Variants in TBC1D5 observed in about 807,000 individuals in gnomAD.
TBC1D5 encodes the protein TBC1 domain family, member 5.
A neutral mutation model predicts 100.3 loss-of-function variants in TBC1D5; 75 were observed. The ratio of observed to expected loss-of-function variants is 0.75; its 90% confidence interval spans 0.62 to 0.91. TBC1D5 has a LOEUF of 0.91. Ranked by LOEUF, TBC1D5 falls within the 40% of genes least tolerant of loss-of-function variation. The pLI is 0.00. For missense variants in TBC1D5, 910 were observed against 942.4 expected, an observed-to-expected ratio of 0.97 and a Z score of 0.45; for synonymous variants, 323 against 325.6, an observed-to-expected ratio of 0.99 and a Z score of 0.09.
At chr3:17,598,222 G>T (rs773001140) in intron 2 of TBC1D5, among the ~76,000 whole-genome samples, 1 of 152,108 alleles carries the variant, frequency 6.6e-6, no homozygotes, top group Non-Finnish European at 1.5e-5. Flanking sequence ...GCTTACATTA[G>T]TCTTTGTTCA....
chr3:17,578,213 T>C (rs796959889), intron 2 of TBC1D5, among the ~76,000 whole-genome samples: 2 of 152,070 alleles, frequency 1.3e-5, no homozygotes, highest in South Asian at 4.1e-4. Flanking sequence ...TCCCGACTTA[T>C]CTACAAGACA....
chr3:17,671,308 A>T (rs1170994875), intron 1 of TBC1D5, among the ~76,000 whole-genome samples: 1 of 152,216 alleles, frequency 6.6e-6, no homozygotes, highest in Non-Finnish European at 1.5e-5. Flanking sequence ...ACAAGAAAGC[A>T]GAGCCTAGCA....
intron 3 of TBC1D5, among the ~76,000 whole-genome samples, chr3:17,439,513 G>T (rs2094600447): frequency 6.6e-6 from 1 of 151,844 alleles, no homozygotes; most frequent in Non-Finnish European, 1.5e-5. Context: ...AAACGTTACT[G>T]ATTAGTATTT....
intron 17 of TBC1D5, among the ~76,000 whole-genome samples, chr3:17,219,610 T>G (rs183608339): frequency 2.0e-5 from 3 of 152,188 alleles, no homozygotes; most frequent in African/African-American, 7.2e-5. Flanking sequence ...GCTGTTTTAG[T>G]AACTTTATTA....
chr3:17,643,308 G>A (rs2153700570), intron 1 of TBC1D5, among the ~76,000 whole-genome samples: 1 of 152,182 alleles, frequency 6.6e-6, no homozygotes, highest in East Asian at 1.9e-4. Context: ...TATATCAGAT[G>A]TTAATATATC....
At chr3:17,586,145 A>G (rs2096731420) in intron 2 of TBC1D5, among the ~76,000 whole-genome samples, 1 of 152,180 alleles carries the variant, frequency 6.6e-6, no homozygotes, top group Non-Finnish European at 1.5e-5. Context: ...TAAAAGCAGG[A>G]GGTAGGACAG....
At chr3:17,542,904 T>C (rs1009246638) in intron 2 of TBC1D5, among the ~76,000 whole-genome samples, 2 of 152,232 alleles carry the variant, frequency 1.3e-5, no homozygotes, top group East Asian at 1.9e-4. Flanking sequence ...CATACACATA[T>C]ACATTTAGAA....
chr3:17,159,168 T>C lies in TBC1D5; in HGVS notation c.*1795A>G, dbSNP rs902201156. On this transcript the variant is annotated 3_prime_UTR_variant, in exon 22 of 22. Coordinates refer to ENST00000253692, the Ensembl canonical transcript of TBC1D5. ...AGTGGTTGAAGGTCAGACAACCTGCTGTCTGGCAAAACCAGTTATTATTCA... is the reference window on the plus strand; with the variant it reads ...AGTGGTTGAAGGTCAGACAACCTGCCGTCTGGCAAAACCAGTTATTATTCA... 1.1e-4 allele frequency: 9 copies of C among 81,346 alleles called. 1 individual carries two copies. Among genetic ancestry groups the C allele is most frequent in the Middle Eastern group, 5.8e-3 (1 of 172 alleles). The allele number at this position is 81,346 out of a possible 1,614,324, so 5.0% of individuals were successfully genotyped here.
At position 17,186,635 on chromosome 3, in the gene TBC1D5, G is replaced by T. The variant is rs544893444; in HGVS notation, c.1753-1427C>A. On this transcript the variant is annotated intron_variant, in intron 18 of 21. Coordinates refer to ENST00000253692, the Ensembl canonical transcript of TBC1D5. ...TGAGGCAGGAGAATTGCTTGAATCCGGGAGGTGAAGGTTGAAGTGAGCCGA... is the reference window on the plus strand; with the variant it reads ...TGAGGCAGGAGAATTGCTTGAATCCTGGAGGTGAAGGTTGAAGTGAGCCGA... Among the ~76,000 whole-genome samples, 3 of 135,852 alleles carry T rather than the reference G, an allele frequency of 2.2e-5. No homozygotes were observed. The South Asian group carries it at 7.0e-4, about 32-fold the overall frequency. The allele number at this position is 135,852 out of a possible 152,430, so 89.1% of individuals were successfully genotyped here.
At chr3:17,576,879 T>G (rs2096660237) in intron 2 of TBC1D5, among the ~76,000 whole-genome samples, 1 of 151,980 alleles carries the variant, frequency 6.6e-6, no homozygotes, top group African/African-American at 2.4e-5. Flanking sequence ...ATAACACAAA[T>G]TTTGAGAAAT....
At chr3:17,302,597 A>G (rs1044802326) in intron 14 of TBC1D5, among the ~76,000 whole-genome samples, 1 of 152,154 alleles carries the variant, frequency 6.6e-6, no homozygotes, top group Non-Finnish European at 1.5e-5. Context: ...TGAGAAACTG[A>G]TGAAAACTAT....
At chr3:17,660,491 G>A (rs2066533737) in intron 1 of TBC1D5, among the ~76,000 whole-genome samples, 1 of 152,194 alleles carries the variant, frequency 6.6e-6, no homozygotes, top group Non-Finnish European at 1.5e-5. Context: ...CATGGTGATT[G>A]TTACTGGTCC....
At chr3:17,285,485 C>T (rs1291978327) in intron 15 of TBC1D5, among the ~76,000 whole-genome samples, 3 of 151,806 alleles carry the variant, frequency 2.0e-5, no homozygotes, top group African/African-American at 7.3e-5. Context: ...TGGTCTCGAT[C>T]TCCTGACCTC....
At chr3:17,255,990 T>A (rs7646916) in intron 16 of TBC1D5, among the ~76,000 whole-genome samples, 2 of 152,144 alleles carry the variant, frequency 1.3e-5, no homozygotes, top group African/African-American at 4.8e-5. Context: ...AAGCCGAGAT[T>A]GCGCCACTGC....
At chr3:17,724,547 T>C (rs1391983768) in intron 1 of TBC1D5, among the ~76,000 whole-genome samples, 1 of 152,226 alleles carries the variant, frequency 6.6e-6, no homozygotes, top group Non-Finnish European at 1.5e-5. Context: ...GAGATTTTCT[T>C]TGTTGTTGAT....
At chr3:17,401,161 G>A (rs544103224) in intron 8 of TBC1D5, among the ~76,000 whole-genome samples, 1 of 151,798 alleles carries the variant, frequency 6.6e-6, no homozygotes, top group Non-Finnish European at 1.5e-5. Flanking sequence ...TCACTGGTTT[G>A]CCATTTTAAT....
At chr3:17,685,804 C>A (rs2070186389) in intron 1 of TBC1D5, among the ~76,000 whole-genome samples, 3 of 151,984 alleles carry the variant, frequency 2.0e-5, no homozygotes, top group African/African-American at 2.4e-5. Context: ...CAAAGAAATA[C>A]CTACAATATA....
At chr3:17,458,741 T>C (rs757553370) in intron 3 of TBC1D5, among the ~76,000 whole-genome samples, 2 of 152,170 alleles carry the variant, frequency 1.3e-5, no homozygotes, top group Non-Finnish European at 2.9e-5. Flanking sequence ...TTTCATTGTT[T>C]TACATTTGGG....
chr3:17,416,918 C>T (rs544504663), intron 4 of TBC1D5, among the ~76,000 whole-genome samples: 1 of 152,280 alleles, frequency 6.6e-6, no homozygotes, highest in East Asian at 1.9e-4. Context: ...CAGTAACAGG[C>T]TGGCTAAACA....
Sources: gnomAD v4.1 joint callset for allele counts (sites outside exome capture counted in the v4.1 genomes callset) on GRCh38, gnomAD v4.1.1 for gene constraint, MANE v1.5 for transcripts, NCBI Gene and HGNC (gene_info 2026-07-23, HGNC 2026-07-21) for gene names.